The following NHS variants were observed in gnomAD, a reference collection of about 807,000 sequenced individuals.
NHS encodes the protein actin remodeling regulator NHS.
Under a neutral mutation model 72.5 loss-of-function variants are expected in NHS, and 5 were observed. The observed-to-expected ratio is 0.07, with a 90% confidence interval of 0.04 to 0.14. The LOEUF (loss-of-function observed/expected upper bound fraction) is 0.14, where lower values mean the gene tolerates loss of function less well. Among genes scored for constraint, NHS ranks in the 10% least tolerant of loss-of-function variants. The pLI, the probability that NHS is intolerant of heterozygous loss-of-function variation, is 1.00. For synonymous variants in NHS, 464 were observed against 547.7 expected (o/e 0.85, Z 2.13); for missense variants, 1,072 against 1,355.7 (o/e 0.79, Z 3.29).
intron 1 of NHS, among the ~76,000 whole-genome samples, chrX:17,454,906 T>C (rs1480799568): frequency 1.8e-5 from 2 of 111,618 alleles, no homozygotes; most frequent in Admixed American, 1.9e-4. Context: ...CCGCTAATGG[T>C]CATCTGTCAA....
chrX:17,376,455 C>A, intron 1 of NHS, 133 bp downstream of exon 1: 1 of 582,678 alleles, frequency 1.7e-6, no homozygotes, highest in Non-Finnish European at 2.8e-6. Context: ...TCTCGCCTTC[C>A]CACCCTTCCC....
intron 1 of NHS, among the ~76,000 whole-genome samples, chrX:17,556,275 T>G (rs958178913): frequency 8.9e-6 from 1 of 112,928 alleles, no homozygotes; most frequent in East Asian, 2.8e-4. Context: ...TTATCCAAGA[T>G]GAGAGAAGAT....
At chrX:17,720,949 TG>T (rs1263489195) in intron 4 of NHS, among the ~76,000 whole-genome samples, 1 of 112,329 alleles carries the variant, frequency 8.9e-6, no homozygotes, top group African/African-American at 3.2e-5. Context: ...TGTTTTAATG[TG>T]GCTTCTCAGA....
At chrX:17,679,740 G>A (rs985971488) in intron 1 of NHS, among the ~76,000 whole-genome samples, 10 of 110,092 alleles carry the variant, frequency 9.1e-5, no homozygotes, top group Non-Finnish European at 1.7e-4. Flanking sequence ...ATTTGCTCTG[G>A]AAAACTCAGA....
intron 1 of NHS, among the ~76,000 whole-genome samples, chrX:17,620,992 G>A (rs764903901): frequency 1.2e-4 from 13 of 112,046 alleles, no homozygotes; most frequent in African/African-American, 4.2e-4. Flanking sequence ...GCAATGGGTA[G>A]CCATGAGAGA....
intron 1 of NHS, among the ~76,000 whole-genome samples, chrX:17,563,054 G>A (rs1485766353): frequency 8.9e-6 from 1 of 112,238 alleles, no homozygotes; most frequent in African/African-American, 3.2e-5. Context: ...TGCCCACGCT[G>A]CCTTTTCTAG....
chrX:17,452,108 T>TA, intron 1 of NHS, among the ~76,000 whole-genome samples: 1 of 111,413 alleles, frequency 9.0e-6, no homozygotes, highest in Middle Eastern at 4.6e-3. Flanking sequence ...TCAAGGAACT[T>TA]ACGGTTAATT....
intron 1 of NHS, among the ~76,000 whole-genome samples, chrX:17,516,596 C>A (rs957142201): frequency 9.2e-6 from 1 of 108,641 alleles, no homozygotes; most frequent in African/African-American, 3.4e-5. Flanking sequence ...CACACACACA[C>A]ACACACACAC....
At chrX:17,683,322 G>C (rs2066140638) in intron 1 of NHS, among the ~76,000 whole-genome samples, 1 of 112,249 alleles carries the variant, frequency 8.9e-6, no homozygotes, top group South Asian at 3.7e-4. Flanking sequence ...GGATGATACA[G>C]AGAGTAGCAG....
At chrX:17,501,869 T>C (rs1346459135) in intron 1 of NHS, among the ~76,000 whole-genome samples, 1 of 112,282 alleles carries the variant, frequency 8.9e-6, no homozygotes, top group East Asian at 2.8e-4. Flanking sequence ...ACATGATCAC[T>C]ATCCTTGTGA....
intron 1 of NHS, among the ~76,000 whole-genome samples, chrX:17,428,886 C>A (rs777417965): frequency 5.6e-4 from 62 of 110,602 alleles, no homozygotes; most frequent in Non-Finnish European, 1.0e-3. Context: ...GTCATTAAGC[C>A]CCAATTCACC....
intron 3 of NHS, among the ~76,000 whole-genome samples, chrX:17,707,450 C>T (rs2066302684): frequency 8.9e-6 from 1 of 111,948 alleles, no homozygotes; most frequent in Non-Finnish European, 1.9e-5. Context: ...AGACTGATGT[C>T]AAAACAAACC....
chrX:17,475,123 A>T lies in NHS; in HGVS notation c.565+98801A>T, dbSNP rs185732394. 7.5e-3 allele frequency among the ~76,000 whole-genome samples: 838 copies of T among 112,111 alleles called. 8 individuals carry two copies. The highest frequency in any genetic ancestry group is 0.025 in the African/African-American group (780 of 30,851). On this transcript the variant is annotated intron_variant, in intron 1 of 8. Transcript: ENST00000676302. Reference sequence around the variant, plus strand: ...GAATCAATATGACTCAACCACTTATAAATCCCCCAGTGGCATAGATAGGCA... The same window carrying T: ...GAATCAATATGACTCAACCACTTATTAATCCCCCAGTGGCATAGATAGGCA...
chrX:17,618,885 C>T (rs16997199), intron 1 of NHS, among the ~76,000 whole-genome samples: 1,909 of 111,870 alleles, frequency 0.017, 49 homozygotes, highest in African/African-American at 0.058. Context: ...TAATTGTTGT[C>T]GGGTGGTCTA....
rs762906471 is a variant in NHS, at chrX:17,443,539, A to G, written c.565+67217A>G. On this transcript the variant is annotated intron_variant, in intron 1 of 8. Transcript: ENST00000676302. ...TCTTAAGGCTGCACCTACATGCTTG[A>G]TTAGTGGCCCACCACTGAGTGAGCC... 1.3e-4 allele frequency among the ~76,000 whole-genome samples: 15 copies of G among 111,776 alleles called. No individual in the cohort carries two copies. In the East Asian group the frequency reaches 4.0e-3, roughly 30 times the overall value.
At chrX:17,575,360 G>T (rs2065504906) in intron 1 of NHS, among the ~76,000 whole-genome samples, 1 of 111,231 alleles carries the variant, frequency 9.0e-6, no homozygotes, top group Admixed American at 9.4e-5. Flanking sequence ...CCCATCACCA[G>T]TTTTTAAAAT....
rs770771757 is a variant in NHS, at chrX:17,687,894, G to GGT, written c.718+2_718+3dup. 1.2e-5 allele frequency: 14 copies of GGT among 1,208,843 alleles called. No homozygotes were observed. The highest frequency in any genetic ancestry group is 1.6e-5 in the Non-Finnish European group (14 of 894,488). On this transcript the variant is annotated frameshift_variant and splice_region_variant. Coordinates refer to ENST00000676302, the MANE Select transcript of NHS (RefSeq NM_001291867.2). LOFTEE classifies it high-confidence loss of function. ...GCAGAGCCTGCAAGCCCTGCGCAGA[G>GGT]GTGACAGATCCTGGGCTTGGGGGCT...
intron 1 of NHS, among the ~76,000 whole-genome samples, chrX:17,444,395 A>C (rs1372441425): frequency 9.0e-6 from 1 of 111,536 alleles, no homozygotes; most frequent in Non-Finnish European, 1.9e-5. Flanking sequence ...ATGTGCATTA[A>C]AGTTTAAGAA....
At chrX:17,509,507 G>A (rs1444348405) in intron 1 of NHS, among the ~76,000 whole-genome samples, 1 of 112,446 alleles carries the variant, frequency 8.9e-6, no homozygotes, top group African/African-American at 3.2e-5. Context: ...GATTACAGGC[G>A]TGAGCCACCA....
Sources: gnomAD v4.1 joint callset for allele counts (sites outside exome capture counted in the v4.1 genomes callset) on GRCh38, gnomAD v4.1.1 for gene constraint, MANE v1.5 for transcripts, NCBI Gene and HGNC (gene_info 2026-07-23, HGNC 2026-07-21) for gene names.